Variants in GRIK2 observed in about 807,000 individuals in gnomAD.
GRIK2 encodes the protein glutamate receptor ionotropic, kainate 2.
GRIK2 carries 32 observed loss-of-function variants against 100.3 expected under a neutral mutation model. The observed-to-expected ratio is 0.32, with a 90% CI of 0.24 to 0.43. The LOEUF (loss-of-function observed/expected upper bound fraction) is 0.43, where lower values mean the gene tolerates loss of function less well. GRIK2 is among the 20% of genes least tolerant of loss of function. The pLI is 1.00. For missense variants in GRIK2, 843 were observed against 1,114.9 expected, an observed-to-expected ratio of 0.76 and a Z score of 3.47; for synonymous variants, 417 against 389.4, an observed-to-expected ratio of 1.07 and a Z score of -0.83.
intron 4 of GRIK2, among the ~76,000 whole-genome samples, chr6:101,652,935 G>A (rs2128329315): frequency 6.6e-6 from 1 of 152,168 alleles, no homozygotes. Flanking sequence ...AAGGCATGAG[G>A]GGAAGAAGAC....
intron 7 of GRIK2, among the ~76,000 whole-genome samples, chr6:101,783,337 C>T (rs1779219858): frequency 6.6e-6 from 1 of 152,002 alleles, no homozygotes; most frequent in Admixed American, 6.6e-5. Context: ...TCTCTCTTGC[C>T]ACCATGTAAG....
intron 2 of GRIK2, among the ~76,000 whole-genome samples, chr6:101,586,420 G>T (rs1485315327): frequency 6.6e-6 from 1 of 152,024 alleles, no homozygotes; most frequent in Admixed American, 6.6e-5. Context: ...AAGTGATCTT[G>T]AGGCAATGAA....
chr6:102,019,899 CATG>C (rs1208582842), intron 14 of GRIK2, among the ~76,000 whole-genome samples: 4 of 152,074 alleles, frequency 2.6e-5, no homozygotes, highest in African/African-American at 9.6e-5. Context: ...GTATTATGCT[CATG>C]ATTTCTTTGC....
chr6:101,809,437 G>A (rs1781196606), intron 9 of GRIK2, among the ~76,000 whole-genome samples: 1 of 151,944 alleles, frequency 6.6e-6, no homozygotes. Flanking sequence ...TGAAAAAGGT[G>A]CCTGAATGGA....
intron 15 of GRIK2, among the ~76,000 whole-genome samples, chr6:102,053,434 C>T (rs1771305619): frequency 6.6e-6 from 1 of 152,110 alleles, no homozygotes; most frequent in African/African-American, 2.4e-5. Context: ...GAGACTCAAG[C>T]ACCATGTTAT....
chr6:102,061,388 T>C (rs1771743200), intron 16 of GRIK2, among the ~76,000 whole-genome samples: 1 of 150,536 alleles, frequency 6.6e-6, no homozygotes, highest in African/African-American at 2.4e-5. Context: ...GGTGAAGTTG[T>C]TTTCCAAGTT....
chr6:101,816,724 A>T (rs866484528), intron 9 of GRIK2, among the ~76,000 whole-genome samples: 21 of 152,144 alleles, frequency 1.4e-4, no homozygotes, highest in Non-Finnish European at 2.2e-4. Context: ...ATTAATTTTT[A>T]AAAAATTAAA....
At chr6:101,483,849 C>T (rs954189547) in intron 2 of GRIK2, among the ~76,000 whole-genome samples, 8 of 152,214 alleles carry the variant, frequency 5.3e-5, no homozygotes, top group Non-Finnish European at 1.2e-4. Flanking sequence ...GGATTATGGG[C>T]GTGAGCCACC....
chr6:101,912,053 C>T (rs1788734471), intron 12 of GRIK2, among the ~76,000 whole-genome samples: 5 of 19,172 alleles, frequency 2.6e-4, no homozygotes, highest in African/African-American at 6.1e-4. Flanking sequence ...AACGCACACA[C>T]ACACACACAC....
intron 14 of GRIK2, among the ~76,000 whole-genome samples, chr6:101,947,077 A>AATT (rs1791326928): frequency 6.6e-6 from 1 of 152,190 alleles, no homozygotes. Context: ...TTACGATTAT[A>AATT]ATTTTTCAAA....
chr6:101,765,491 T>G (rs1270473121), intron 7 of GRIK2, among the ~76,000 whole-genome samples: 2 of 152,122 alleles, frequency 1.3e-5, no homozygotes, highest in African/African-American at 2.4e-5. Flanking sequence ...ATCATTTTTT[T>G]TTCTAGGAAG....
At chr6:101,954,695 GT>G (rs556365576) in intron 14 of GRIK2, among the ~76,000 whole-genome samples, 2 of 151,694 alleles carry the variant, frequency 1.3e-5, no homozygotes, top group East Asian at 3.9e-4. Context: ...ATGCCTTTGT[GT>G]TTTTTTTCTT....
intron 7 of GRIK2, among the ~76,000 whole-genome samples, chr6:101,747,510 A>G (rs923047336): frequency 7.2e-5 from 11 of 152,172 alleles, no homozygotes; most frequent in Admixed American, 5.9e-4. Context: ...CTTTTCTGAA[A>G]ATAAACTGTT....
In GRIK2 at chr6:101,497,445, G is replaced by A. The variant is rs144460836; in HGVS notation, c.115+98053G>A. On this transcript the variant is annotated intron_variant, in intron 2 of 16. Transcript: ENST00000369134. ...ATGAATGAGTCAGAAATATATACAAGTGTAGATCTTTAGTTTGATCTATTC... is the reference window on the plus strand; with the variant it reads ...ATGAATGAGTCAGAAATATATACAAATGTAGATCTTTAGTTTGATCTATTC... 2.7e-3 allele frequency among the ~76,000 whole-genome samples: 418 copies of A among 152,130 alleles called. 6 individuals are homozygous for A. The highest frequency in any genetic ancestry group is 9.6e-3 in the African/African-American group (398 of 41,496).
chr6:102,049,243 A>G (rs1456470306), intron 15 of GRIK2, among the ~76,000 whole-genome samples: 4 of 152,160 alleles, frequency 2.6e-5, no homozygotes, highest in South Asian at 2.1e-4. Context: ...AGTTCACAAT[A>G]TGTAAGTTCA....
At chr6:101,571,107 CTG>C (rs530622879) in intron 2 of GRIK2, among the ~76,000 whole-genome samples, 321 of 152,102 alleles carry the variant, frequency 2.1e-3, no homozygotes, top group Middle Eastern at 6.8e-3. Context: ...TCTTAGAAAA[CTG>C]TCATCTTAGA....
At chr6:101,648,307 T>C (rs1040111826) in intron 4 of GRIK2, among the ~76,000 whole-genome samples, 1 of 152,062 alleles carries the variant, frequency 6.6e-6, no homozygotes, top group Non-Finnish European at 1.5e-5. Context: ...TAAATGCCTG[T>C]CACTGTTCCA....
intron 14 of GRIK2, among the ~76,000 whole-genome samples, chr6:101,948,269 C>T (rs925006009): frequency 2.0e-5 from 3 of 150,284 alleles, no homozygotes; most frequent in Non-Finnish European, 3.0e-5. Context: ...GTCCTTATTC[C>T]TGTGTCTTCA....
At chr6:101,824,488 G>A (rs1047705519) in intron 10 of GRIK2, among the ~76,000 whole-genome samples, 10 of 152,026 alleles carry the variant, frequency 6.6e-5, no homozygotes, top group African/African-American at 1.2e-4. Flanking sequence ...CTTAGTTTTC[G>A]ATAGACATTT....
Sources: allele counts gnomAD v4.1 joint callset (sites outside exome capture counted in the v4.1 genomes callset), GRCh38; gene constraint gnomAD v4.1.1; transcripts MANE v1.5; gene names NCBI Gene and HGNC (gene_info 2026-07-23, HGNC 2026-07-21).